CFH: variants seen among roughly 807,000 people sequenced by gnomAD.
The protein encoded by CFH is H factor 1 (complement).
A neutral mutation model predicts 147.3 loss-of-function variants in CFH; 53 were observed. The ratio of observed to expected loss-of-function variants is 0.36; its 90% CI spans 0.29 to 0.45. CFH has a LOEUF of 0.45. Among genes scored for constraint, CFH ranks in the 20% least tolerant of loss-of-function variants. The probability of loss-of-function intolerance (pLI) is 1.00; values close to 1 mark genes in which losing one functional copy is unlikely to be tolerated. For missense variants in CFH, 1,380 were observed against 1,498.0 expected (o/e 0.92, Z 1.30); for synonymous variants, 536 against 489.4 (o/e 1.10, Z -1.26).
intron 9 of CFH, among the ~76,000 whole-genome samples, chr1:196,709,390 T>C (rs2149100025): frequency 6.6e-6 from 1 of 152,246 alleles, no homozygotes; most frequent in African/African-American, 2.4e-5. Flanking sequence ...GCTTGCAGGT[T>C]GTTACAAGAC....
chr1:196,741,802 A>G, intron 18 of CFH, 73 bp from the exon 19 acceptor site: 2 of 1,375,380 alleles, frequency 1.5e-6, no homozygotes, highest in Non-Finnish European at 2.1e-6. Flanking sequence ...GCTATTTTAG[A>G]ATCCATTACA....
At chr1:196,681,250 A>T (rs1667643753) in intron 6 of CFH, among the ~76,000 whole-genome samples, 1 of 151,854 alleles carries the variant, frequency 6.6e-6, no homozygotes, top group Non-Finnish European at 1.5e-5. Context: ...ATGAATTCAA[A>T]ATAAGACTCT....
At chr1:196,662,011 A>G (rs1666927118) in intron 1 of CFH, among the ~76,000 whole-genome samples, 1 of 152,226 alleles carries the variant, frequency 6.6e-6, no homozygotes, top group Non-Finnish European at 1.5e-5. Context: ...GATGGAACTC[A>G]CAGGAAAGGA....
At chr1:196,703,298 G>T (rs1186306776) in intron 9 of CFH, among the ~76,000 whole-genome samples, 1 of 152,154 alleles carries the variant, frequency 6.6e-6, no homozygotes, top group African/African-American at 2.4e-5. Context: ...CAACCAGTGT[G>T]CTTACTGCAA....
intron 2 of CFH, 102 bp from the exon 3 acceptor site, chr1:196,673,753 ATC>A: frequency 1.3e-6 from 1 of 784,824 alleles, no homozygotes; most frequent in Non-Finnish European, 2.3e-6. Context: ...CTTACATTCA[ATC>A]TGTCTTCTTA....
At chr1:196,689,049 A>T (rs919063643) in intron 7 of CFH, among the ~76,000 whole-genome samples, 1 of 150,550 alleles carries the variant, frequency 6.6e-6, no homozygotes, top group Non-Finnish European at 1.5e-5. Flanking sequence ...GAAAGAAAGA[A>T]ATACATGAGC....
rs1164010446 is a variant in CFH, at chr1:196,747,172, C to G, written c.3555C>G (p.Ala1185=). The part of the protein sequence containing the change: ...ENYNIALRWT[A]KQKLYSRTGE... ...ATAACATAGCATTAAGGTGGACAGC[C>G]AAACAGAAGCTTTATTCGAGAACAG... is the stretch of plus-strand genomic sequence containing the variant. Residue 1185 remains alanine, a synonymous_variant, in exon 22 of 22, where the codon GCC becomes GCG. Transcript: ENST00000367429. 1 of 1,613,702 alleles carries G rather than the reference C, an allele frequency of 6.2e-7. No homozygotes were observed. Among genetic ancestry groups the G allele is most frequent in the African/African-American group, 1.3e-5 (1 of 74,968 alleles).
chr1:196,698,904 T>C (rs1481227490), intron 9 of CFH, among the ~76,000 whole-genome samples: 1 of 152,162 alleles, frequency 6.6e-6, no homozygotes, highest in East Asian at 1.9e-4. Context: ...ATCTCTGTGA[T>C]GCAAGGCTGT....
rs754888897 is a variant in CFH, at chr1:196,690,014, T to C, written c.1160-49T>C. ...ATTGTAATATACTATTTTGAGCAAA[T>C]TTATGTTTCTCATTTACTTTATTTA... On this transcript the variant is annotated intron_variant, in intron 8 of 21. Coordinates refer to ENST00000367429, the MANE Select transcript of CFH (RefSeq NM_000186.4). 45 of 1,523,978 alleles carry C rather than the reference T, an allele frequency of 3.0e-5. 1 individual carries two copies. The South Asian group carries it at 4.9e-4, about 16-fold the overall frequency. The allele number at this position is 1,523,978 out of a possible 1,614,324, so 94.4% of individuals were successfully genotyped here.
intron 18 of CFH, 95 bp from the exon 19 acceptor site, chr1:196,741,780 A>T: frequency 8.7e-7 from 1 of 1,153,174 alleles, no homozygotes; most frequent in South Asian, 1.3e-5. Context: ...GTATTCATTG[A>T]TTCTATATAT....
At chr1:196,744,061 A>T (rs1652914602) in intron 20 of CFH, among the ~76,000 whole-genome samples, 1 of 152,168 alleles carries the variant, frequency 6.6e-6, no homozygotes, top group Non-Finnish European at 1.5e-5. Context: ...TTATAAAAAG[A>T]AGTCCGAGCA....
intron 7 of CFH, 86 bp downstream of exon 7, chr1:196,685,323 T>C (rs1316101644): frequency 1.5e-6 from 2 of 1,324,696 alleles, no homozygotes; most frequent in Non-Finnish European, 2.2e-6. Context: ...TAAAACCAAA[T>C]ATTTGTCTTA....
At chr1:196,700,293 A>T (rs184741525) in intron 9 of CFH, among the ~76,000 whole-genome samples, 267 of 152,288 alleles carry the variant, frequency 1.8e-3, no homozygotes, top group African/African-American at 6.2e-3. Flanking sequence ...CTCTGTTGCA[A>T]ACTCCACTGT....
intron 1 of CFH, among the ~76,000 whole-genome samples, chr1:196,659,190 A>T (rs1316220752): frequency 2.0e-5 from 3 of 152,210 alleles, no homozygotes; most frequent in Non-Finnish European, 4.4e-5. Flanking sequence ...GGCCAAAATA[A>T]CCGTTTGTTG....
At chr1:196,727,092 TC>T (rs1669161049) in intron 14 of CFH, 152 bp downstream of exon 14, 1 of 678,478 alleles carries the variant, frequency 1.5e-6, no homozygotes, top group South Asian at 1.8e-5. Flanking sequence ...TGCTTATAAT[TC>T]AATATGTGTC....
At chr1:196,720,873 A>T (rs1668981841) in intron 11 of CFH, among the ~76,000 whole-genome samples, 1 of 151,932 alleles carries the variant, frequency 6.6e-6, no homozygotes, top group Non-Finnish European at 1.5e-5. Flanking sequence ...TCTTTGGGAA[A>T]TGTCCATTCT....
chr1:196,669,177 A>G (rs904810153), intron 1 of CFH, among the ~76,000 whole-genome samples: 10 of 152,208 alleles, frequency 6.6e-5, no homozygotes, highest in Non-Finnish European at 1.3e-4. Flanking sequence ...GGAACTTTGA[A>G]CTTTGAGAAA....
intron 20 of CFH, among the ~76,000 whole-genome samples, 189 bp downstream of exon 20, chr1:196,743,817 A>G (rs573424061): frequency 1.3e-5 from 2 of 152,164 alleles, no homozygotes; most frequent in Non-Finnish European, 2.9e-5. Context: ...TTCCAGAAAG[A>G]TTCGACCAAA....
chr1:196,668,218 C>A (rs181230681), intron 1 of CFH, among the ~76,000 whole-genome samples: 1 of 152,002 alleles, frequency 6.6e-6, no homozygotes, highest in Non-Finnish European at 1.5e-5. Flanking sequence ...GCCCAGAGAA[C>A]TTTTTTAGTA....
Sources: gnomAD v4.1 joint callset for allele counts (sites outside exome capture counted in the v4.1 genomes callset) on GRCh38, gnomAD v4.1.1 for gene constraint, MANE v1.5 for transcripts, NCBI Gene and HGNC (gene_info 2026-07-23, HGNC 2026-07-21) for gene names.